Variants in HAUS7 observed in about 807,000 individuals in gnomAD.
HAUS7 encodes the protein HAUS augmin like complex subunit 7, also known as HAUS augmin-like complex subunit 7.
HAUS7 carries 3 observed loss-of-function variants against 28.4 expected under a neutral mutation model. The ratio of observed to expected loss-of-function variants is 0.11; its 90% CI spans 0.05 to 0.27. The LOEUF (loss-of-function observed/expected upper bound fraction) is 0.27. HAUS7 is among the 10% of genes least tolerant of loss of function. The pLI is 1.00. For missense variants in HAUS7, 284 were observed against 297.3 expected (o/e 0.96, Z 0.33); for synonymous variants, 165 against 132.1 (o/e 1.25, Z -1.71).
chrX:153,468,584 T>C (rs984926127), intron 2 of HAUS7, among the ~76,000 whole-genome samples: 4 of 112,274 alleles, frequency 3.6e-5, no homozygotes, highest in Non-Finnish European at 5.6e-5. Context: ...ATGGGCTTCA[T>C]AGGGTGCCAG....
At chrX:153,481,960 CGGGGCTGGGGCT>C in intron 1 of HAUS7, 1 of 412,555 alleles carries the variant, frequency 2.4e-6, no homozygotes, top group South Asian at 1.2e-4. Flanking sequence ...TCTCGGGGGC[CGGGGCTGGGGCT>C]GGGGCTGGCA....
intron 1 of HAUS7, among the ~76,000 whole-genome samples, chrX:153,493,509 C>A (rs1556990071): frequency 8.9e-6 from 1 of 112,238 alleles, no homozygotes; most frequent in Non-Finnish European, 1.9e-5. Context: ...GAAAGACAAG[C>A]CATCTCCTTT....
At chrX:153,459,893 G>C (rs2089366028) in intron 4 of HAUS7, among the ~76,000 whole-genome samples, 2 of 111,757 alleles carry the variant, frequency 1.8e-5, no homozygotes, top group South Asian at 7.4e-4. Flanking sequence ...GCGCATGCCT[G>C]TGACCCCAGC....
intron 1 of HAUS7, among the ~76,000 whole-genome samples, chrX:153,477,859 C>T (rs1264912103): frequency 1.8e-5 from 2 of 112,416 alleles, no homozygotes; most frequent in Admixed American, 9.3e-5. Context: ...GTGGCTCCTA[C>T]GGGACTGTTA....
intron 4 of HAUS7, among the ~76,000 whole-genome samples, chrX:153,459,938 G>C (rs1303288558): frequency 1.8e-5 from 2 of 112,007 alleles, no homozygotes; most frequent in African/African-American, 6.5e-5. Context: ...ATCGCTTGAA[G>C]CCCGGGGGCT....
At chrX:153,492,885 G>A (rs1556989924) in intron 1 of HAUS7, among the ~76,000 whole-genome samples, 2 of 111,745 alleles carry the variant, frequency 1.8e-5, no homozygotes, top group Admixed American at 9.4e-5. Flanking sequence ...CACCCCCACT[G>A]GGACTCCTGG....
At chrX:153,457,471 AGAAACATACAG>A (rs1305250615) in intron 4 of HAUS7, among the ~76,000 whole-genome samples, 3 of 113,435 alleles carry the variant, frequency 2.6e-5, no homozygotes, top group Non-Finnish European at 5.6e-5. Flanking sequence ...TGAGCACTGC[AGAAACATACAG>A]GAGCATATGT....
At chrX:153,491,271 G>T (rs934761808) in intron 1 of HAUS7, among the ~76,000 whole-genome samples, 1 of 112,203 alleles carries the variant, frequency 8.9e-6, no homozygotes, top group Non-Finnish European at 1.9e-5. Flanking sequence ...CACACCACCC[G>T]CCAGTATTTC....
At position 153,478,359 on chromosome X, in the gene HAUS7, G is replaced by A. The variant is rs1037762898; in HGVS notation, c.-588-7214C>T. ...TTATTTGCCCCTCACTCCACCACAC[G>A]CCCCTCTGGCCCCACCCAGCAGTCC... On this transcript the variant is annotated intron_variant, in intron 1 of 5. Transcript: ENST00000370210. 6.3e-5 allele frequency among the ~76,000 whole-genome samples: 7 copies of A among 111,761 alleles called. No homozygotes were observed. In the Admixed American group the frequency reaches 6.6e-4, roughly 10 times the overall value.
chrX:153,459,716 T>C (rs782612440), intron 4 of HAUS7, among the ~76,000 whole-genome samples: 1 of 112,372 alleles, frequency 8.9e-6, no homozygotes, highest in Admixed American at 9.4e-5. Flanking sequence ...TATCCCTTAA[T>C]GTAAAAATAT....
At chrX:153,468,818 C>T (rs1215034578) in intron 2 of HAUS7, among the ~76,000 whole-genome samples, 1 of 112,853 alleles carries the variant, frequency 8.9e-6, no homozygotes, top group Non-Finnish European at 1.9e-5. Flanking sequence ...AAGGAAAGGA[C>T]TGGAATGGAG....
At chrX:153,477,540 G>A (rs1444505226) in intron 1 of HAUS7, among the ~76,000 whole-genome samples, 1 of 112,938 alleles carries the variant, frequency 8.9e-6, no homozygotes, top group Non-Finnish European at 1.9e-5. Flanking sequence ...GGGGTCGACT[G>A]TGCTCTGTCT....
chrX:153,484,473 G>T (rs782678624), intron 1 of HAUS7, among the ~76,000 whole-genome samples: 1 of 111,016 alleles, frequency 9.0e-6, no homozygotes, highest in East Asian at 2.9e-4. Context: ...GGGCTAGGGA[G>T]TCAGGACACG....
intron 1 of HAUS7, among the ~76,000 whole-genome samples, chrX:153,489,326 C>G (rs1310654843): frequency 8.9e-6 from 1 of 112,267 alleles, no homozygotes; most frequent in Non-Finnish European, 1.9e-5. Flanking sequence ...TGCACCTGCC[C>G]CTCCTTCAGC....
rs950390501 is a variant in HAUS7, at chrX:153,447,704, C to T, written c.*174G>A. ...GGCTTTCTTTGTGTCCAAGTCAAAC[C>T]GCCCGTCTGTCTCTCCCTCCCCAAA... On this transcript the variant is annotated 3_prime_UTR_variant, in exon 10 of 10. Transcript: ENST00000370211. 1 of 568,780 alleles carries T rather than the reference C, an allele frequency of 1.8e-6. No homozygotes were observed. The highest frequency in any genetic ancestry group is 3.2e-6 in the Non-Finnish European group (1 of 308,983). The allele number at this position is 568,780 out of a possible 1,213,427, so 46.9% of individuals were successfully genotyped here. A position where few individuals can be genotyped will look rare whatever the true frequency, so the allele number is the denominator to read the frequency against.
At chrX:153,482,807 C>T in intron 1 of HAUS7, 1 of 718,973 alleles carries the variant, frequency 1.4e-6, no homozygotes, top group Non-Finnish European at 1.7e-6. Flanking sequence ...CTGCAGCCTG[C>T]TCTATCTGAG....
At chrX:153,452,876 C>T (rs782648294) in intron 9 of HAUS7, among the ~76,000 whole-genome samples, 3 of 111,418 alleles carry the variant, frequency 2.7e-5, no homozygotes, top group South Asian at 3.8e-4. Context: ...CCCAGCTACC[C>T]GGGAGGCTGA....
At chrX:153,454,350 C>A in intron 9 of HAUS7, 44 bp downstream of exon 9, 1 of 744,182 alleles carries the variant, frequency 1.3e-6, no homozygotes, top group South Asian at 2.1e-5. Context: ...GAAGCCTGTG[C>A]GTGGGGCAGC....
chrX:153,456,962 G>T (rs1316833707), intron 5 of HAUS7, 175 bp downstream of exon 5: 1 of 453,190 alleles, frequency 2.2e-6, no homozygotes, highest in Non-Finnish European at 3.9e-6. Context: ...TTGGGACACA[G>T]CTGCCCCTTG....
Sources: gnomAD v4.1 joint callset for allele counts (sites outside exome capture counted in the v4.1 genomes callset) on GRCh38, gnomAD v4.1.1 for gene constraint, MANE v1.5 for transcripts, NCBI Gene and HGNC (gene_info 2026-07-23, HGNC 2026-07-21) for gene names.